Variants in PTCH1 observed in about 807,000 individuals in gnomAD.
PTCH1 encodes the protein patched 1.
A neutral mutation model predicts 144.6 loss-of-function variants in PTCH1; 14 were observed. The observed-to-expected ratio is 0.10, with a 90% CI of 0.06 to 0.15. The LOEUF is 0.15. Ranked by LOEUF, PTCH1 falls within the 10% of genes least tolerant of loss-of-function variation. PTCH1 has a pLI of 1.00. For missense variants in PTCH1, 1,623 were observed against 1,948.3 expected, an observed-to-expected ratio of 0.83 and a Z score of 3.14; for synonymous variants, 833 against 793.6, an observed-to-expected ratio of 1.05 and a Z score of -0.83.
In PTCH1 at chr9:95,447,193, T is replaced by C. The variant is rs864622456; in HGVS notation, c.4063A>G (p.Thr1355Ala). The change falls in exon 23 of 24, where the codon ACT becomes GCT. Residue 1355 changes from threonine (T) to alanine (A), a missense_variant. Physicochemically the swap from Thr to Ala is moderately conservative, Grantham distance 58. Transcript: ENST00000331920. ...RSHNPRNPASTAMGSSVPGYC... is the reference protein window; with the variant it reads ...RSHNPRNPASAAMGSSVPGYC... ...CCGGGCACGGAGCTGCCCATGGCAG[T>C]GGACGCTGGGTTCCGAGGGTTGTGA... 5 of 1,612,962 alleles carry C rather than the reference T, an allele frequency of 3.1e-6. No homozygotes were observed. The highest frequency in any genetic ancestry group is 1.1e-5 in the South Asian group (1 of 91,084).
rs935869868 is a variant in PTCH1 at position 95,464,051 on chromosome 9, C to T, written c.2561-2053G>A. Among the ~76,000 whole-genome samples the T allele has an allele frequency of 3.3e-5, 5 of 152,180 alleles. No individual in the cohort carries two copies. The highest frequency in any genetic ancestry group is 4.8e-5 in the African/African-American group (2 of 41,454). On this transcript the variant is annotated intron_variant, in intron 15 of 23. Coordinates refer to ENST00000331920, the MANE Select transcript of PTCH1 (RefSeq NM_000264.5). Reference sequence around the variant, plus strand: ...GAGGGTGAAACAAAGGAAGAAAGATCCTATCTGGGGAGGTCAGCCTTGCTG... The same window carrying T: ...GAGGGTGAAACAAAGGAAGAAAGATTCTATCTGGGGAGGTCAGCCTTGCTG...
intron 20 of PTCH1, chr9:95,451,348 T>C (rs1838443015): frequency 6.6e-6 from 1 of 152,236 alleles, no homozygotes; most frequent in East Asian, 1.9e-4. Flanking sequence ...TGCTCATTTA[T>C]TTGACCTTGG....
intron 5 of PTCH1, chr9:95,481,747 T>C: frequency 3.3e-6 from 2 of 608,510 alleles, no homozygotes; most frequent in Non-Finnish European, 5.8e-6. Context: ...TAATGACGCC[T>C]ACAGAATTGT....
chr9:95,447,234 G>C lies in PTCH1; in HGVS notation c.4022C>G (p.Pro1341Arg), dbSNP rs748609458. 2 of 1,611,570 alleles carry C rather than the reference G, an allele frequency of 1.2e-6. No individual in the cohort carries two copies. Among genetic ancestry groups the C allele is most frequent in the Non-Finnish European group, 1.7e-6 (2 of 1,178,592 alleles). ...AGGGTTGTGAGAACGGGCCCCGCGA[G>C]GGCCCCAGCGGGCCCTATTGCTAGG... is the stretch of plus-strand genomic sequence containing the variant. ...SGPSNRARWG[P>R]RGARSHNPRN... is the part of the protein sequence containing the mutation. Residue 1341 changes from proline (P) to arginine (R), a missense_variant, in exon 23 of 24, where the codon CCT (proline) becomes CGT (arginine). Pro to Arg is a moderately radical substitution (Grantham distance 103). Transcript: ENST00000331920.
intron 23 of PTCH1, 46 bp downstream of exon 23, chr9:95,446,865 T>G (rs763774307): frequency 6.8e-6 from 11 of 1,611,682 alleles, no homozygotes; most frequent in Non-Finnish European, 9.3e-6. Context: ...GTCCTCCTCT[T>G]TGCCTGGCTC....
At chr9:95,503,550 AGAAT>A (rs111557741) in intron 2 of PTCH1, among the ~76,000 whole-genome samples, 12 of 152,220 alleles carry the variant, frequency 7.9e-5, no homozygotes, top group South Asian at 6.2e-4. Context: ...AATCTAGCAC[AGAAT>A]GAATGAATGA....
At position 95,482,038 on chromosome 9, in the gene PTCH1, T is replaced by C. The variant is rs1425544626; in HGVS notation, c.657A>G (p.Ile219Met). Reference protein sequence around the residue: ...LITETGYMDQIIEYLYPCLII... With the variant: ...LITETGYMDQMIEYLYPCLII... ...TCAAACAAGGGTAAAGATATTCTAT[T>C]ATCTGTCAAAGTTAAAAAGAAGAGG... The change falls in exon 5 of 24, where the codon ATA (isoleucine) becomes ATG (methionine). Residue 219 changes from isoleucine (I) to methionine (M), a missense_variant and splice_region_variant. Around this residue, in one of 7 missense-constraint regions of PTCH1, gnomAD observed 39 missense variants for 75.6 expected, o/e 0.52. Transcript: ENST00000331920. 1 of 1,613,510 alleles carries C rather than the reference T, an allele frequency of 6.2e-7. No homozygotes were observed. The highest frequency in any genetic ancestry group is 8.5e-7 in the Non-Finnish European group (1 of 1,179,572).
chr9:95,499,802 C>T (rs1843024896), intron 2 of PTCH1, among the ~76,000 whole-genome samples: 1 of 152,006 alleles, frequency 6.6e-6, no homozygotes, highest in African/African-American at 2.4e-5. Context: ...TGAAACACAT[C>T]CCCGAGGAGA....
At chr9:95,455,328 G>A (rs79036813) in intron 19 of PTCH1, among the ~76,000 whole-genome samples, 4,221 of 152,346 alleles carry the variant, frequency 0.028, 79 homozygotes, top group Non-Finnish European at 0.044. Flanking sequence ...CATGTGCTGA[G>A]CCCAAAGGAA....
chr9:95,478,990 G>A lies in PTCH1; in HGVS notation c.1215+10C>T, dbSNP rs1444052168. 2 of 1,614,092 alleles carry A rather than the reference G, an allele frequency of 1.2e-6. No homozygotes were observed. The highest frequency in any genetic ancestry group is 1.7e-5 in the Admixed American group (1 of 60,004). ...AGCGAGTCTGCACGCCGATTCGAAG[G>A]TGGGTTTACCTCCACATATGTCCTC... On this transcript the variant is annotated intron_variant, in intron 8 of 23. Transcript: ENST00000331920.
At chr9:95,496,595 AGTTAATAGATATT>A (rs1842808317) in intron 2 of PTCH1, among the ~76,000 whole-genome samples, 1 of 151,962 alleles carries the variant, frequency 6.6e-6, no homozygotes, top group South Asian at 2.1e-4. Flanking sequence ...TAGAAAGAGC[AGTTAATAGATATT>A]TAGCCCTAAT....
At chr9:95,468,270 T>A (rs1840211817) in intron 14 of PTCH1, among the ~76,000 whole-genome samples, 6 of 152,186 alleles carry the variant, frequency 3.9e-5, no homozygotes, top group Admixed American at 3.9e-4. Context: ...TTGCCTGGGC[T>A]GTTCTCGAAC....
rs950816262 is a variant in PTCH1 at position 95,469,737 on chromosome 9, G to A, written c.1847+76C>T. On this transcript the variant is annotated intron_variant, in intron 13 of 23. Coordinates refer to ENST00000331920, the MANE Select transcript of PTCH1 (RefSeq NM_000264.5). Reference sequence around the variant, plus strand: ...CCCCGTTACCCACATTCCTTTATAAGTCCACAGGCTGAAAGAGTTCTCTCA... The same window carrying A: ...CCCCGTTACCCACATTCCTTTATAAATCCACAGGCTGAAAGAGTTCTCTCA... 2.2e-6 allele frequency: 3 copies of A among 1,357,886 alleles called. No homozygotes were observed. In the South Asian group the frequency reaches 3.5e-5, roughly 16 times the overall value. 84.1% of individuals were successfully genotyped at this position (1,357,886 alleles called of 1,614,324 possible).
intron 1 of PTCH1, chr9:95,514,274 C>T (rs1447937226): frequency 6.6e-6 from 1 of 152,238 alleles, no homozygotes; most frequent in African/African-American, 2.4e-5. Flanking sequence ...GAGATGTATT[C>T]CTACAACACC....
chr9:95,476,023 CAGA>C lies in PTCH1; in HGVS notation c.1728+8_1728+10del. On this transcript the variant is annotated splice_region_variant and intron_variant, in intron 12 of 23. Coordinates refer to ENST00000331920, the MANE Select transcript of PTCH1 (RefSeq NM_000264.5). This position sits in a 1 kb window ranked among gnomAD's most constrained non-coding sequence, Gnocchi z 4.6. ...TCAGGATCACCACAGCCTTCATCAC[CAGA>C]AGCTCACCTGGAGGGAGAACGCCCG... 1 of 1,613,522 alleles carries C rather than the reference CAGA, an allele frequency of 6.2e-7. No homozygotes were observed. The highest frequency in any genetic ancestry group is 8.5e-7 in the Non-Finnish European group (1 of 1,180,044).
chr9:95,457,349 G>A (rs1346098364), intron 18 of PTCH1, among the ~76,000 whole-genome samples: 2 of 152,172 alleles, frequency 1.3e-5, no homozygotes, highest in Non-Finnish European at 1.5e-5. Context: ...ACCTTTTAAT[G>A]TACCTGCTGC....
rs1554698288 is a variant in PTCH1, at chr9:95,476,815, A to C, written c.1546T>G (p.Phe516Val). ...LALGVGVDDV[F>V]LLAHAFSETG... ...TCACTGAAGGCGTGGGCCAGAAGAAAAACATCATCCACACCAACACCAAGA... is the reference window on the plus strand; with the variant it reads ...TCACTGAAGGCGTGGGCCAGAAGAACAACATCATCCACACCAACACCAAGA... The change falls in exon 11 of 24, where the codon TTT becomes GTT. Residue 516 changes from phenylalanine (F) to valine (V), a missense_variant. Physicochemically the swap from Phe to Val is conservative, Grantham distance 50 (BLOSUM62 -1). Coordinates refer to ENST00000331920, the MANE Select transcript of PTCH1 (RefSeq NM_000264.5). The surrounding 1 kb of genome is among the most constrained non-coding windows in gnomAD (Gnocchi z 4.6). 1 of 1,614,128 alleles carries C rather than the reference A, an allele frequency of 6.2e-7. No homozygotes were observed. Among genetic ancestry groups the C allele is most frequent in the Non-Finnish European group, 8.5e-7 (1 of 1,179,970 alleles).
intron 12 of PTCH1, among the ~76,000 whole-genome samples, chr9:95,470,803 G>T (rs1010489882): frequency 6.6e-6 from 1 of 152,114 alleles, no homozygotes; most frequent in East Asian, 1.9e-4. Context: ...GGCCAGGCGC[G>T]GTGGCTCACG....
intron 19 of PTCH1, among the ~76,000 whole-genome samples, chr9:95,455,228 A>G (rs1295553125): frequency 2.6e-5 from 4 of 152,236 alleles, no homozygotes; most frequent in South Asian, 4.1e-4. Context: ...CCAAAACACA[A>G]AAGTTTACAA....
Sources: allele counts gnomAD v4.1 joint callset (sites outside exome capture counted in the v4.1 genomes callset), GRCh38; gene constraint gnomAD v4.1.1; regional missense constraint gnomAD v4.1.1; non-coding constraint Gnocchi (gnomAD v3.1); transcripts MANE v1.5; gene names NCBI Gene and HGNC (gene_info 2026-07-23, HGNC 2026-07-21).